PTPRM: variants seen among roughly 807,000 people sequenced by gnomAD.
PTPRM encodes the protein receptor-type tyrosine-protein phosphatase mu.
A neutral mutation model predicts 186.7 loss-of-function variants in PTPRM; 47 were observed. That is an observed-to-expected ratio of 0.25 (90% confidence interval 0.20 to 0.32). The LOEUF (loss-of-function observed/expected upper bound fraction) is 0.32, where lower values mean the gene tolerates loss of function less well. PTPRM is among the 10% of genes least tolerant of loss of function. The pLI, the probability that PTPRM is intolerant of heterozygous loss-of-function variation, is 1.00. For missense variants in PTPRM, 1,494 were observed against 1,865.0 expected, an observed-to-expected ratio of 0.80 and a Z score of 3.66; for synonymous variants, 668 against 674.9, an observed-to-expected ratio of 0.99 and a Z score of 0.16.
At chr18:8,114,674 A>T in intron 12 of PTPRM, 117 bp from the exon 13 acceptor site, 1 of 819,326 alleles carries the variant, frequency 1.2e-6, no homozygotes, top group East Asian at 2.8e-5. Flanking sequence ...GATTAAAGAC[A>T]CGCTCAGAAC....
chr18:7,775,953 A>T (rs897758244), intron 2 of PTPRM, among the ~76,000 whole-genome samples: 4 of 152,136 alleles, frequency 2.6e-5, no homozygotes, highest in Non-Finnish European at 5.9e-5. Flanking sequence ...ACTTTAAAAT[A>T]TTAAAATCAT....
chr18:8,240,499 G>GGGAGGA (rs1319637749), intron 14 of PTPRM, among the ~76,000 whole-genome samples: 2 of 13,550 alleles, frequency 1.5e-4, no homozygotes, highest in Non-Finnish European at 2.6e-4. Context: ...GAGAGAGAGA[G>GGGAGGA]AGGAAGGAAG....
intron 13 of PTPRM, among the ~76,000 whole-genome samples, chr18:8,136,386 T>C (rs2092639071): frequency 6.6e-6 from 1 of 152,180 alleles, no homozygotes; most frequent in Non-Finnish European, 1.5e-5. Context: ...TGATAAGTGA[T>C]AAGGCTTTGA....
intron 11 of PTPRM, among the ~76,000 whole-genome samples, chr18:8,106,248 T>A (rs1426254487): frequency 6.6e-6 from 1 of 152,146 alleles, no homozygotes; most frequent in Non-Finnish European, 1.5e-5. Context: ...TTCCATCTTC[T>A]GTGCTGATGA....
intron 1 of PTPRM, among the ~76,000 whole-genome samples, chr18:7,738,792 T>C (rs942792633): frequency 6.6e-6 from 1 of 152,082 alleles, no homozygotes; most frequent in Non-Finnish European, 1.5e-5. Flanking sequence ...TCAGGTGTTA[T>C]TGTGGATAAG....
intron 23 of PTPRM, among the ~76,000 whole-genome samples, chr18:8,344,526 A>G (rs910207239): frequency 4.0e-5 from 6 of 150,630 alleles, no homozygotes; most frequent in Non-Finnish European, 8.8e-5. Flanking sequence ...ACATCTGGAA[A>G]TTCTAGATAA....
At chr18:8,346,808 G>A (rs75354106) in intron 23 of PTPRM, among the ~76,000 whole-genome samples, 2 of 148,766 alleles carry the variant, frequency 1.3e-5, no homozygotes, top group South Asian at 2.1e-4. Context: ...AATGACTATT[G>A]AAAAAAAAAA....
chr18:8,327,027 A>G (rs1338720943), intron 22 of PTPRM, among the ~76,000 whole-genome samples: 2 of 152,226 alleles, frequency 1.3e-5, no homozygotes, highest in East Asian at 3.8e-4. Flanking sequence ...TCAAAATGTA[A>G]GTAGTCTTAT....
At chr18:8,130,202 T>G (rs563853330) in intron 13 of PTPRM, among the ~76,000 whole-genome samples, 1 of 152,198 alleles carries the variant, frequency 6.6e-6, no homozygotes, top group African/African-American at 2.4e-5. Flanking sequence ...CTTTTCCAGC[T>G]TAGCTACCCT....
At chr18:8,153,999 G>C (rs2058469) in intron 14 of PTPRM, among the ~76,000 whole-genome samples, 1 of 152,088 alleles carries the variant, frequency 6.6e-6, no homozygotes, top group South Asian at 2.1e-4. Context: ...ACACTACTAC[G>C]CATTTGCTAT....
chr18:8,230,183 A>G (rs4389193), intron 14 of PTPRM, among the ~76,000 whole-genome samples: 5,782 of 152,278 alleles, frequency 0.038, 208 homozygotes, highest in Middle Eastern at 0.27. Flanking sequence ...CAGAGGCCCA[A>G]CAAAGATAAA....
chr18:7,713,366 C>T (rs373321672), intron 1 of PTPRM, among the ~76,000 whole-genome samples: 15 of 152,040 alleles, frequency 9.9e-5, no homozygotes, highest in Admixed American at 2.0e-4. Context: ...AGCTCCTGAA[C>T]GAAGTACTAA....
At chr18:8,099,480 A>G in intron 11 of PTPRM, among the ~76,000 whole-genome samples, 1 of 152,088 alleles carries the variant, frequency 6.6e-6, no homozygotes, top group East Asian at 1.9e-4. Flanking sequence ...CTGTAGAAGA[A>G]TTTTTACTGA....
chr18:7,722,788 C>T (rs2040472786), intron 1 of PTPRM, among the ~76,000 whole-genome samples: 1 of 152,112 alleles, frequency 6.6e-6, no homozygotes, highest in Admixed American at 6.5e-5. Context: ...AATCAGAGAA[C>T]ACAGGAGAAA....
At chr18:8,363,122 C>T (rs1405643167) in intron 23 of PTPRM, among the ~76,000 whole-genome samples, 2 of 152,220 alleles carry the variant, frequency 1.3e-5, no homozygotes, top group African/African-American at 4.8e-5. Flanking sequence ...ACACCACAGC[C>T]CGGAGCTAAG....
intron 2 of PTPRM, among the ~76,000 whole-genome samples, chr18:7,797,733 G>A (rs1419243636): frequency 6.6e-6 from 1 of 151,810 alleles, no homozygotes; most frequent in African/African-American, 2.4e-5. Context: ...GGAACATCGA[G>A]TTCCTAGAAG....
At chr18:7,859,538 C>T (rs543298184) in intron 2 of PTPRM, among the ~76,000 whole-genome samples, 3 of 152,212 alleles carry the variant, frequency 2.0e-5, no homozygotes, top group Non-Finnish European at 4.4e-5. Flanking sequence ...AACTTCAGTG[C>T]TCCTATTCTG....
chr18:7,986,114 G>A (rs1306170525), intron 7 of PTPRM, among the ~76,000 whole-genome samples: 1 of 151,956 alleles, frequency 6.6e-6, no homozygotes, highest in Non-Finnish European at 1.5e-5. Flanking sequence ...TCAAATAGAT[G>A]GACTAAAAAC....
intron 22 of PTPRM, among the ~76,000 whole-genome samples, chr18:8,334,627 G>A (rs2095428909): frequency 6.6e-6 from 1 of 152,196 alleles, no homozygotes; most frequent in South Asian, 2.1e-4. Context: ...CATAATAATT[G>A]TAAAATTATA....
Sources: gnomAD v4.1 joint callset for allele counts (sites outside exome capture counted in the v4.1 genomes callset) on GRCh38, gnomAD v4.1.1 for gene constraint, MANE v1.5 for transcripts, NCBI Gene and HGNC (gene_info 2026-07-23, HGNC 2026-07-21) for gene names.